Variants in SVEP1 observed in about 807,000 individuals in gnomAD.
SVEP1 encodes sushi, von Willebrand factor type A, EGF and pentraxin domain containing 1.
A neutral mutation model predicts 367.3 loss-of-function variants in SVEP1; 164 were observed. That is an observed-to-expected ratio of 0.45 (90% CI 0.39 to 0.51). The LOEUF is 0.51. Among genes scored for constraint, SVEP1 ranks in the 20% least tolerant of loss-of-function variants. The pLI is 0.00. For missense variants in SVEP1, 4,117 were observed against 4,425.3 expected (o/e 0.93, Z 1.98); for synonymous variants, 1,666 against 1,611.6 (o/e 1.03, Z -0.81).
chr9:110,391,528 T>G (rs1827655513), intron 40 of SVEP1, among the ~76,000 whole-genome samples: 1 of 152,112 alleles, frequency 6.6e-6, no homozygotes, highest in Admixed American at 6.6e-5. Context: ...CGCCTCAGCC[T>G]CCCAAAGTGC....
At chr9:110,396,493 A>C (rs1420401426) in intron 40 of SVEP1, among the ~76,000 whole-genome samples, 2 of 152,170 alleles carry the variant, frequency 1.3e-5, no homozygotes, top group Admixed American at 1.3e-4. Flanking sequence ...AGAAATAACT[A>C]AGATCAGAGC....
At chr9:110,373,939 T>C (rs957397718) in intron 46 of SVEP1, among the ~76,000 whole-genome samples, 1 of 152,230 alleles carries the variant, frequency 6.6e-6, no homozygotes, top group African/African-American at 2.4e-5. Flanking sequence ...TTGTCCATGA[T>C]AAGAAACCAT....
chr9:110,372,391 T>C (rs141431129), intron 46 of SVEP1, among the ~76,000 whole-genome samples: 1 of 152,312 alleles, frequency 6.6e-6, no homozygotes, highest in East Asian at 1.9e-4. Context: ...TATATGGTTG[T>C]GGTATGCTTA....
At chr9:110,520,954 A>T (rs2118791869) in intron 3 of SVEP1, among the ~76,000 whole-genome samples, 1 of 152,284 alleles carries the variant, frequency 6.6e-6, no homozygotes, top group East Asian at 1.9e-4. Context: ...TACAACACCA[A>T]GCCTCTACTT....
At chr9:110,379,635 C>A in intron 43 of SVEP1, 118 bp from the exon 44 acceptor site, 2 of 1,014,992 alleles carry the variant, frequency 2.0e-6, no homozygotes, top group South Asian at 1.6e-5. Context: ...AACATTTTCA[C>A]CTACTTATCT....
intron 40 of SVEP1, among the ~76,000 whole-genome samples, chr9:110,390,818 G>A (rs1294344529): frequency 1.3e-5 from 2 of 152,064 alleles, no homozygotes; most frequent in Admixed American, 6.6e-5. Context: ...AATCCTGTCT[G>A]ATGGAAAAAT....
chr9:110,379,176 G>A (rs1373322009), intron 44 of SVEP1, among the ~76,000 whole-genome samples, 171 bp downstream of exon 44: 1 of 152,110 alleles, frequency 6.6e-6, no homozygotes, highest in African/African-American at 2.4e-5. Flanking sequence ...AGTTCTATGT[G>A]CTTTTAAAAC....
At chr9:110,445,525 T>A (rs1270042611) in intron 26 of SVEP1, among the ~76,000 whole-genome samples, 3 of 152,180 alleles carry the variant, frequency 2.0e-5, no homozygotes, top group Non-Finnish European at 4.4e-5. Context: ...GGGCAAGTCA[T>A]TTAGACTTTC....
In SVEP1 at chr9:110,406,162, G is replaced by A. The variant is rs1170466956; in HGVS notation, c.9438C>T (p.Leu3146=). 1.3e-6 allele frequency: 2 copies of A among 1,558,730 alleles called. No individual in the cohort carries two copies. Among genetic ancestry groups the A allele is most frequent in the Non-Finnish European group, 8.7e-7 (1 of 1,153,858 alleles). Residue 3146 remains leucine, a splice_region_variant and synonymous_variant, in exon 38 of 48, where the codon CTC becomes CTT. Coordinates refer to ENST00000374469, the MANE Select transcript of SVEP1 (RefSeq NM_153366.4). The part of the protein sequence containing the change: ...EAHTYESEVK[L]RCLEGYTMDT... The stretch of plus-strand genomic sequence containing the variant: ...AGACCCTAGAGCCATGATCTTACCT[G>A]AGTTTCACTTCACTTTCATAGGTGT...
At chr9:110,450,467 G>GTTTTTTTTTT (rs10656079) in intron 23 of SVEP1, among the ~76,000 whole-genome samples, 4 of 102,104 alleles carry the variant, frequency 3.9e-5, no homozygotes, top group East Asian at 3.0e-4. Context: ...TTGATAATCT[G>GTTTTTTTTTT]TTTTTTTTTT....
intron 3 of SVEP1, among the ~76,000 whole-genome samples, chr9:110,538,709 T>C (rs761143762): frequency 2.6e-5 from 4 of 152,102 alleles, no homozygotes; most frequent in Non-Finnish European, 4.4e-5. Flanking sequence ...CTGCTAATCA[T>C]GCCTAACTCA....
intron 3 of SVEP1, among the ~76,000 whole-genome samples, chr9:110,528,156 G>GTGTGTGTGTATATAAATATATA: frequency 2.9e-5 from 1 of 33,940 alleles, no homozygotes; most frequent in Non-Finnish European, 5.7e-5. Flanking sequence ...GTGTGTGTGT[G>GTGTGTGTGTATATAAATATATA]TATATATATA....
chr9:110,429,217 T>A lies in SVEP1; in HGVS notation c.5733A>T (p.Ile1911=), dbSNP rs780709478. 5.0e-6 allele frequency: 8 copies of A among 1,596,654 alleles called. No homozygotes were observed. In the South Asian group the frequency reaches 9.1e-5, roughly 18 times the overall value. The change falls in exon 35 of 48, where the codon ATA becomes ATT. Residue 1911 remains isoleucine, a synonymous_variant. Coordinates refer to ENST00000374469, the MANE Select transcript of SVEP1 (RefSeq NM_153366.4). ...CACTCAAAATATATTTTCCATTATT[T>A]ATATTTTCCGGACTAGAACACTTCA... ...EPVKCSSPEN[I]NNGKYILSGL...
rs774133551 is a variant in SVEP1 at position 110,459,033 on chromosome 9, C to A, written c.3403G>T (p.Ala1135Ser). ...PCPRDYYQPN[A>S]GKAFCLACPF... ...CAGGCCAGGCAGAAGGCCTTCCCTGCATTAGGTTGGTAATAGTCACGAGGA... is the reference window on the plus strand; with the variant it reads ...CAGGCCAGGCAGAAGGCCTTCCCTGAATTAGGTTGGTAATAGTCACGAGGA... Residue 1135 changes from alanine to serine, a missense_variant, in exon 19 of 48, where the codon GCA becomes TCA. Physicochemically the swap from Ala to Ser is moderately conservative, Grantham distance 99. Transcript: ENST00000374469. The A allele has an allele frequency of 1.2e-6, 2 of 1,613,826 alleles. No individual in the cohort carries two copies. The highest frequency in any genetic ancestry group is 2.2e-5 in the South Asian group (2 of 91,076).
At chr9:110,548,195 T>C (rs1830243228) in intron 2 of SVEP1, among the ~76,000 whole-genome samples, 1 of 152,214 alleles carries the variant, frequency 6.6e-6, no homozygotes, top group Non-Finnish European at 1.5e-5. Context: ...TTCTTCCATG[T>C]GCTACATACT....
At chr9:110,393,449 G>A (rs921823343) in intron 40 of SVEP1, among the ~76,000 whole-genome samples, 14 of 152,286 alleles carry the variant, frequency 9.2e-5, no homozygotes, top group South Asian at 2.1e-4. Flanking sequence ...CGTGAGCGAC[G>A]CAGAAGACGG....
chr9:110,379,467 C>T lies in SVEP1; in HGVS notation c.10288G>A (p.Val3430Ile), dbSNP rs371864020. 47 of 1,613,750 alleles carry T rather than the reference C, an allele frequency of 2.9e-5. No individual in the cohort carries two copies. The highest frequency in any genetic ancestry group is 2.7e-4 in the African/African-American group (20 of 75,032). ...AHVENAIARG[V>I]HYQYGDMITY... is the part of the protein sequence containing the mutation. ...ATCATGTCTCCATATTGATAATGTA[C>T]GCCTCGAGCAATTGCATTTTCTACG... Residue 3430 changes from valine to isoleucine, a missense_variant, in exon 44 of 48, where the codon GTA (valine) becomes ATA (isoleucine). Val to Ile is a conservative substitution (Grantham distance 29). Around this residue, in one of 4 missense-constraint regions of SVEP1, gnomAD observed 1,765 missense variants for 1,781.1 expected, o/e 0.99. Transcript: ENST00000374469.
chr9:110,405,365 A>G (rs905416836), intron 38 of SVEP1, among the ~76,000 whole-genome samples: 1 of 151,850 alleles, frequency 6.6e-6, no homozygotes, highest in South Asian at 2.1e-4. Context: ...AGCATAATTC[A>G]TATGTATTAT....
chr9:110,519,687 G>T (rs573451552), intron 3 of SVEP1, among the ~76,000 whole-genome samples: 1 of 152,232 alleles, frequency 6.6e-6, no homozygotes, highest in South Asian at 2.1e-4. Context: ...AATCAAAGGA[G>T]GGCAAAAGAA....
Sources: gnomAD v4.1 joint callset for allele counts (sites outside exome capture counted in the v4.1 genomes callset) on GRCh38, gnomAD v4.1.1 for gene constraint, gnomAD v4.1.1 regional missense constraint, MANE v1.5 for transcripts, NCBI Gene and HGNC (gene_info 2026-07-23, HGNC 2026-07-21) for gene names.